Variants in MTCL2 observed in about 807,000 individuals in gnomAD.
MTCL2 encodes microtubule cross-linking factor 2.
At chr20:36,850,782 T>C in the MTCL2 span, among the ~76,000 whole-genome samples, 2 of 152,206 alleles carry the variant, frequency 1.3e-5, no homozygotes, top group East Asian at 3.8e-4. Context: ...TGTTTAAAAT[T>C]CTCCAATGAT....
the MTCL2 span, chr20:36,863,238 G>A: frequency 1.7e-6 from 2 of 1,199,272 alleles, no homozygotes; most frequent in Non-Finnish European, 2.1e-6. This position sits in a 1 kb window ranked among gnomAD's most constrained non-coding sequence, Gnocchi z 6.2. Flanking sequence ...GGGCCGGGCC[G>A]GCGACGGCGC....
the MTCL2 span, among the ~76,000 whole-genome samples, chr20:36,818,191 A>G: frequency 6.6e-6 from 1 of 152,246 alleles, no homozygotes; most frequent in African/African-American, 2.4e-5. Flanking sequence ...AAACCTCTGC[A>G]TGCAAATCTC....
At chr20:36,847,793 G>A in the MTCL2 span, among the ~76,000 whole-genome samples, 1 of 148,274 alleles carries the variant, frequency 6.7e-6, no homozygotes, top group Admixed American at 6.8e-5. Context: ...GGTTGAGGCT[G>A]CAATAAGCAA....
the MTCL2 span, among the ~76,000 whole-genome samples, chr20:36,856,849 T>TGTGTGTGTGCGTGCGCGC: frequency 1.3e-5 from 2 of 152,318 alleles, no homozygotes; most frequent in East Asian, 1.9e-4. Context: ...CGTGTGTGTG[T>TGTGTGTGTGCGTGCGCGC]GTGTGTGTGC....
At chr20:36,830,500 C>T in the MTCL2 span, among the ~76,000 whole-genome samples, 2 of 151,728 alleles carry the variant, frequency 1.3e-5, no homozygotes, top group East Asian at 1.9e-4. Context: ...CCCTGGAGTT[C>T]GAGGTTGCAG....
the MTCL2 span, among the ~76,000 whole-genome samples, chr20:36,850,086 A>C: frequency 6.6e-6 from 1 of 151,984 alleles, no homozygotes; most frequent in Non-Finnish European, 1.5e-5. Flanking sequence ...TCCCTGGGGA[A>C]CTCTGATATG....
the MTCL2 span, among the ~76,000 whole-genome samples, chr20:36,790,726 C>A: frequency 1.3e-5 from 2 of 151,030 alleles, no homozygotes; most frequent in African/African-American, 2.4e-5. Flanking sequence ...CGTAAGCCAC[C>A]ATGCCTGGCC....
the MTCL2 span, chr20:36,815,069 A>G: frequency 6.8e-7 from 1 of 1,481,240 alleles, no homozygotes; most frequent in Non-Finnish European, 9.1e-7. The surrounding 1 kb of genome is among the most constrained non-coding windows in gnomAD (Gnocchi z 5.3). Context: ...CTCAAGAAAA[A>G]CAAAACAAAA....
the MTCL2 span, chr20:36,805,841 C>T: frequency 3.1e-6 from 5 of 1,599,124 alleles, no homozygotes; most frequent in Non-Finnish European, 2.6e-6. Flanking sequence ...CGGGAAGGGG[C>T]TGGAAACACA....
chr20:36,793,340 C>A, the MTCL2 span: 6 of 1,551,730 alleles, frequency 3.9e-6, no homozygotes, highest in African/African-American at 6.8e-5. The surrounding 1 kb of genome is among the most constrained non-coding windows in gnomAD (Gnocchi z 6.8). Context: ...CTCCTCACTG[C>A]TGCCCAACTT....
chr20:36,786,164 G>C, the MTCL2 span: 1 of 1,021,934 alleles, frequency 9.8e-7, no homozygotes, highest in African/African-American at 1.7e-5. Flanking sequence ...GGCATGGGCA[G>C]AACCAGGCAA....
chr20:36,832,603 A>G, the MTCL2 span, among the ~76,000 whole-genome samples: 1 of 152,102 alleles, frequency 6.6e-6, no homozygotes, highest in African/African-American at 2.4e-5. Context: ...GGAGGCTGAG[A>G]CGGGCAGATC....
the MTCL2 span, among the ~76,000 whole-genome samples, chr20:36,845,399 T>G: frequency 2.0e-5 from 3 of 152,262 alleles, no homozygotes; most frequent in African/African-American, 2.4e-5. Flanking sequence ...AGGCCTGCCC[T>G]TCACCACAGT....
the MTCL2 span, among the ~76,000 whole-genome samples, chr20:36,825,827 A>G: frequency 1.3e-5 from 2 of 152,174 alleles, no homozygotes; most frequent in Non-Finnish European, 2.9e-5. Context: ...CCTCCTGTGC[A>G]CAAGCCTGAG....
At chr20:36,839,547 T>C in the MTCL2 span, 3 of 964,152 alleles carry the variant, frequency 3.1e-6, no homozygotes, top group Non-Finnish European at 4.6e-6. This position sits in a 1 kb window ranked among gnomAD's most constrained non-coding sequence, Gnocchi z 5.1. Flanking sequence ...GGGACCTGGA[T>C]GTGGCAGGCT....
At chr20:36,851,380 C>T in the MTCL2 span, among the ~76,000 whole-genome samples, 10 of 152,204 alleles carry the variant, frequency 6.6e-5, no homozygotes, top group Non-Finnish European at 8.8e-5. Context: ...CAAATCCCAT[C>T]GTACAGCATA....
the MTCL2 span, among the ~76,000 whole-genome samples, chr20:36,836,447 C>T: frequency 6.7e-6 from 1 of 148,236 alleles, no homozygotes; most frequent in Non-Finnish European, 1.5e-5. Flanking sequence ...CAGGTTCAAG[C>T]GATTCATCTG....
At chr20:36,815,821 G>A in the MTCL2 span, 1 of 1,595,050 alleles carries the variant, frequency 6.3e-7, no homozygotes, top group Admixed American at 1.7e-5. The surrounding 1 kb of genome is among the most constrained non-coding windows in gnomAD (Gnocchi z 5.3). Context: ...AGCTCGTTCA[G>A]CAGCAGCTTG....
chr20:36,799,417 G>A, the MTCL2 span, among the ~76,000 whole-genome samples: 89 of 152,114 alleles, frequency 5.9e-4, 1 homozygote, highest in Non-Finnish European at 2.1e-4. Flanking sequence ...GTTTGAACGC[G>A]GGAGGCAGAG....
Sources: gnomAD v4.1 joint callset for allele counts (sites outside exome capture counted in the v4.1 genomes callset) on GRCh38, gnomAD v4.1.1 for gene constraint, Gnocchi (gnomAD v3.1) non-coding constraint, MANE v1.5 for transcripts, NCBI Gene and HGNC (gene_info 2026-07-23, HGNC 2026-07-21) for gene names.